MAP3K7: variants seen among roughly 807,000 people sequenced by gnomAD.
The protein encoded by MAP3K7 is TGF-beta activated kinase 1.
MAP3K7 carries 21 observed loss-of-function variants against 84.8 expected under a neutral mutation model. The observed-to-expected ratio is 0.25, with a 90% confidence interval of 0.18 to 0.36. MAP3K7 has a LOEUF of 0.36. Ranked by LOEUF, MAP3K7 falls within the 10% of genes least tolerant of loss-of-function variation. The pLI is 1.00. For missense variants in MAP3K7, 503 were observed against 747.7 expected (o/e 0.67, Z 3.82); for synonymous variants, 241 against 247.7 (o/e 0.97, Z 0.25).
intron 14 of MAP3K7, among the ~76,000 whole-genome samples, chr6:90,520,107 G>A (rs967501249): frequency 1.3e-5 from 2 of 152,020 alleles, no homozygotes; most frequent in African/African-American, 2.4e-5. Flanking sequence ...TGGTTATGTA[G>A]AACAGTTCCA....
chr6:90,546,225 T>C (rs2060549484), intron 11 of MAP3K7, among the ~76,000 whole-genome samples: 1 of 152,166 alleles, frequency 6.6e-6, no homozygotes, highest in South Asian at 2.1e-4. Flanking sequence ...AAGTATAGTA[T>C]GATGGTCCAT....
intron 2 of MAP3K7, among the ~76,000 whole-genome samples, chr6:90,569,917 C>G (rs1776843546): frequency 6.6e-6 from 1 of 152,138 alleles, no homozygotes; most frequent in Non-Finnish European, 1.5e-5. Flanking sequence ...GGCTCATATT[C>G]AGTACACTAA....
At chr6:90,537,091 G>A (rs1250661057) in intron 12 of MAP3K7, 1 of 151,942 alleles carries the variant, frequency 6.6e-6, no homozygotes, top group African/African-American at 2.4e-5. Context: ...ATCAATTTAT[G>A]AGAGAATTCT....
intron 4 of MAP3K7, among the ~76,000 whole-genome samples, chr6:90,560,715 T>C (rs566887240): frequency 2.6e-5 from 4 of 152,324 alleles, no homozygotes; most frequent in African/African-American, 9.6e-5. Flanking sequence ...TTTGAGTGGA[T>C]AATTGCCATG....
At chr6:90,545,522 G>A (rs1159909999) in intron 11 of MAP3K7, among the ~76,000 whole-genome samples, 1 of 152,148 alleles carries the variant, frequency 6.6e-6, no homozygotes, top group Non-Finnish European at 1.5e-5. Context: ...CATCCCTGAA[G>A]TGAAAAGGGT....
At chr6:90,550,663 T>C in intron 8 of MAP3K7, 114 bp from the exon 9 acceptor site, 2 of 613,346 alleles carry the variant, frequency 3.3e-6, no homozygotes, top group Non-Finnish European at 5.6e-6. Flanking sequence ...CTAAGTTTTT[T>C]ATTTTACAAA....
At chr6:90,556,389 TTATG>T (rs1776339697) in intron 6 of MAP3K7, 107 bp downstream of exon 6, 2 of 1,122,494 alleles carry the variant, frequency 1.8e-6, no homozygotes, top group Non-Finnish European at 1.3e-6. Flanking sequence ...ATTGTATACT[TTATG>T]TATTATGCAG....
chr6:90,585,969 C>T (rs1257639624), intron 1 of MAP3K7, among the ~76,000 whole-genome samples: 1 of 152,200 alleles, frequency 6.6e-6, no homozygotes, highest in African/African-American at 2.4e-5. Flanking sequence ...CTAAGGGAAA[C>T]ACTTTATTAG....
chr6:90,581,199 C>T (rs1031534951), intron 1 of MAP3K7, among the ~76,000 whole-genome samples: 46 of 152,114 alleles, frequency 3.0e-4, no homozygotes, highest in African/African-American at 1.1e-3. Flanking sequence ...ACACACCTAA[C>T]CTAAATGGAA....
chr6:90,539,778 T>C (rs1281672023), intron 12 of MAP3K7, among the ~76,000 whole-genome samples: 1 of 151,822 alleles, frequency 6.6e-6, no homozygotes, highest in South Asian at 2.1e-4. Flanking sequence ...ACCTAGATAA[T>C]TTATTTGCCA....
chr6:90,518,622 T>A, intron 15 of MAP3K7, 60 bp from the exon 16 acceptor site: 1 of 859,358 alleles, frequency 1.2e-6, no homozygotes, highest in Non-Finnish European at 2.0e-6. Flanking sequence ...CTAGCTAAGA[T>A]GAGAGTCAAG....
intron 12 of MAP3K7, among the ~76,000 whole-genome samples, chr6:90,543,326 T>C (rs757170475): frequency 6.6e-6 from 1 of 152,086 alleles, no homozygotes; most frequent in Non-Finnish European, 1.5e-5. Flanking sequence ...GGAAAATTAA[T>C]ATAAGATAGT....
chr6:90,531,957 A>G (rs1026101376), intron 13 of MAP3K7, among the ~76,000 whole-genome samples: 24 of 134,084 alleles, frequency 1.8e-4, no homozygotes, highest in East Asian at 4.4e-4. Context: ...TGTGTCTCGG[A>G]AAAAAAAAAA....
intron 13 of MAP3K7, among the ~76,000 whole-genome samples, chr6:90,531,299 G>A (rs536598978): frequency 1.3e-5 from 2 of 152,278 alleles, no homozygotes; most frequent in South Asian, 2.1e-4. Context: ...TACACCCAGT[G>A]TTATTATTTA....
intron 13 of MAP3K7, among the ~76,000 whole-genome samples, chr6:90,525,477 C>A (rs1356931126): frequency 6.6e-6 from 1 of 152,170 alleles, no homozygotes; most frequent in Non-Finnish European, 1.5e-5. Flanking sequence ...GCATGAGCCA[C>A]TGTGCCTGGC....
chr6:90,532,124 A>T (rs1183366527), intron 13 of MAP3K7, among the ~76,000 whole-genome samples: 1 of 152,198 alleles, frequency 6.6e-6, no homozygotes, highest in African/African-American at 2.4e-5. Context: ...AGTATAATAA[A>T]TCACATCCCT....
intron 2 of MAP3K7, among the ~76,000 whole-genome samples, chr6:90,570,087 C>T (rs901459146): frequency 6.6e-6 from 1 of 152,096 alleles, no homozygotes; most frequent in Admixed American, 6.6e-5. Flanking sequence ...AGGTTCAGCA[C>T]TGAGATTCAG....
rs1266043758 is a variant in MAP3K7 at position 90,515,634 on chromosome 6, C to G, written c.*867G>C. The G allele has an allele frequency of 7.0e-6, 1 of 142,976 alleles. No individual in the cohort carries two copies. The highest frequency in any genetic ancestry group is 1.5e-5 in the Non-Finnish European group (1 of 65,892). The allele number at this position is 142,976 out of a possible 1,614,324, so 8.9% of individuals were successfully genotyped here. A position where few individuals can be genotyped will look rare whatever the true frequency, so the allele number is the denominator to read the frequency against. ...TTATTTTTCTTCATTTTTTTTTTTT[C>G]AAATACATGAGAAAACAATCCAAGA... On this transcript the variant is annotated 3_prime_UTR_variant, in exon 17 of 17. Transcript: ENST00000369329.
chr6:90,573,243 G>A (rs186196990), intron 1 of MAP3K7, among the ~76,000 whole-genome samples: 1 of 152,216 alleles, frequency 6.6e-6, no homozygotes, highest in Non-Finnish European at 1.5e-5. Flanking sequence ...CATATATAAA[G>A]CCCCATGTCG....
Sources: gnomAD v4.1 joint callset for allele counts (sites outside exome capture counted in the v4.1 genomes callset) on GRCh38, gnomAD v4.1.1 for gene constraint, MANE v1.5 for transcripts, NCBI Gene and HGNC (gene_info 2026-07-23, HGNC 2026-07-21) for gene names.